The following NETO2 variants were observed in gnomAD, a reference collection of about 807,000 sequenced individuals.
The protein encoded by NETO2 is neuropilin and tolloid like 2, also known as neuropilin and tolloid-like protein 2.
Under a neutral mutation model 62.5 loss-of-function variants are expected in NETO2, and 28 were observed. The ratio of observed to expected loss-of-function variants is 0.45; its 90% confidence interval spans 0.33 to 0.61. The LOEUF (loss-of-function observed/expected upper bound fraction) is 0.61, where lower values mean the gene tolerates loss of function less well. Ranked by LOEUF, NETO2 falls within the 20% of genes least tolerant of loss-of-function variation. The pLI is 0.02. For missense variants in NETO2, 548 were observed against 643.2 expected (o/e 0.85, Z 1.60); for synonymous variants, 214 against 219.1 (o/e 0.98, Z 0.21).
chr16:47,121,378 T>C (rs1350762024), intron 6 of NETO2, among the ~76,000 whole-genome samples: 1 of 152,190 alleles, frequency 6.6e-6, no homozygotes, highest in African/African-American at 2.4e-5. Context: ...AGATTTATTT[T>C]TGCCAGGTGA....
chr16:47,129,117 T>G, intron 3 of NETO2, 107 bp downstream of exon 3: 1 of 1,011,318 alleles, frequency 9.9e-7, no homozygotes, highest in Non-Finnish European at 1.5e-6. Context: ...TTAATTCAAA[T>G]ACATGTTTAA....
chr16:47,091,381 C>G (rs1963310152), intron 7 of NETO2, among the ~76,000 whole-genome samples: 1 of 152,040 alleles, frequency 6.6e-6, no homozygotes, highest in Non-Finnish European at 1.5e-5. Context: ...AGAGAAAATA[C>G]CTTAACTAAA....
Position 47,081,110 on chromosome 16 carries a change from A to G in NETO2, c.*2111T>C, listed in dbSNP as rs1364036045. 1 of 152,146 alleles carries G rather than the reference A, an allele frequency of 6.6e-6. No individual in the cohort carries two copies. The highest frequency in any genetic ancestry group is 1.9e-4 in the East Asian group (1 of 5,208). 9.4% of individuals were successfully genotyped at this position (152,146 alleles called of 1,614,324 possible). A position where few individuals can be genotyped will look rare whatever the true frequency, so the allele number is the denominator to read the frequency against. On this transcript the variant is annotated 3_prime_UTR_variant, in exon 9 of 9. Transcript: ENST00000562435. ...AACAAAAATGTAGTTACAAGTGACTATAGTTTAGCATACTGTATTATTTGC... is the reference window on the plus strand; with the variant it reads ...AACAAAAATGTAGTTACAAGTGACTGTAGTTTAGCATACTGTATTATTTGC...
intron 7 of NETO2, among the ~76,000 whole-genome samples, chr16:47,099,941 A>G (rs1355408427): frequency 6.6e-6 from 1 of 152,236 alleles, no homozygotes; most frequent in African/African-American, 2.4e-5. Context: ...ACTTGAACTC[A>G]GCTCTGTACC....
chr16:47,128,265 A>G lies in NETO2; in HGVS notation c.481+60T>C, dbSNP rs1964194992. The G allele has an allele frequency of 4.5e-6, 7 of 1,542,590 alleles. No homozygotes were observed. In the East Asian group the frequency reaches 1.6e-4, roughly 35 times the overall value. ...AATTAATCTCTTTTCTAACCTTAAG[A>G]TTCTAAAATCAGAGTTAGAGTGAGA... On this transcript the variant is annotated intron_variant, in intron 4 of 8. Transcript: ENST00000562435.
intron 6 of NETO2, among the ~76,000 whole-genome samples, chr16:47,120,364 TC>T (rs1163787271): frequency 6.6e-6 from 1 of 152,212 alleles, no homozygotes; most frequent in Admixed American, 6.5e-5. Context: ...TTGTCCTCAT[TC>T]TTTTATTTTT....
At chr16:47,114,167 C>T (rs1369107612) in intron 6 of NETO2, among the ~76,000 whole-genome samples, 1 of 152,066 alleles carries the variant, frequency 6.6e-6, no homozygotes. Flanking sequence ...AGTGATTTTT[C>T]TAAATTACAG....
chr16:47,143,127 C>A (rs991739321), intron 1 of NETO2, among the ~76,000 whole-genome samples: 1 of 152,108 alleles, frequency 6.6e-6, no homozygotes, highest in Non-Finnish European at 1.5e-5. Context: ...AAAACCACTG[C>A]ACGACGTCAC....
intron 7 of NETO2, among the ~76,000 whole-genome samples, chr16:47,101,479 G>A (rs1283288333): frequency 1.3e-5 from 2 of 152,130 alleles, no homozygotes; most frequent in Non-Finnish European, 2.9e-5. Flanking sequence ...CAAACAGGAA[G>A]ACCGGAAGTT....
In NETO2 at chr16:47,129,256, G is replaced by A; in HGVS notation, c.200C>T (p.Pro67Leu). 1 of 1,614,006 alleles carries A rather than the reference G, an allele frequency of 6.2e-7. No individual in the cohort carries two copies. Among genetic ancestry groups the A allele is most frequent in the Non-Finnish European group, 8.5e-7 (1 of 1,179,930 alleles). The change falls in exon 3 of 9, where the codon CCA becomes CTA. Residue 67 changes from proline (P) to leucine (L), a missense_variant. Physicochemically the swap from Pro to Leu is moderately conservative, Grantham distance 98. Coordinates refer to ENST00000562435, the MANE Select transcript of NETO2 (RefSeq NM_018092.5). Reference protein sequence around the residue: ...FASPNYPDSYPPNKECIYILE... With the variant: ...FASPNYPDSYLPNKECIYILE... ...AATGTAGATACACTCCTTGTTTGGT[G>A]GATATGAGTCAGGATAATTTGGCGA...
rs543353546 is a variant in NETO2, at chr16:47,112,000, G to C, written c.655-2289C>G. On this transcript the variant is annotated intron_variant, in intron 6 of 8. Transcript: ENST00000562435. ...CCCAGAAAGCTACTATCATGAAAAGGCCACTGATAAAAGTGGACTAAAACA... is the reference window on the plus strand; with the variant it reads ...CCCAGAAAGCTACTATCATGAAAAGCCCACTGATAAAAGTGGACTAAAACA... Among the ~76,000 whole-genome samples, 29 of 152,296 alleles carry C rather than the reference G, an allele frequency of 1.9e-4. No individual in the cohort carries two copies. The East Asian group carries it at 5.2e-3, about 27-fold the overall frequency.
chr16:47,109,131 C>T (rs1201673630), intron 7 of NETO2, among the ~76,000 whole-genome samples: 1 of 151,968 alleles, frequency 6.6e-6, no homozygotes, highest in Non-Finnish European at 1.5e-5. Context: ...GAACAGGGAC[C>T]AAGATATAGT....
Position 47,079,968 on chromosome 16 carries a change from C to T in NETO2, c.*3253G>A, listed in dbSNP as rs1354648959. 1 of 152,186 alleles carries T rather than the reference C, an allele frequency of 6.6e-6. No individual in the cohort carries two copies. Among genetic ancestry groups the T allele is most frequent in the Non-Finnish European group, 1.5e-5 (1 of 68,034 alleles). The allele number at this position is 152,186 out of a possible 1,614,324, so 9.4% of individuals were successfully genotyped here. The stretch of plus-strand genomic sequence containing the variant: ...TTCTTCTCATCAGACATTGGCAGAA[C>T]CATACAAATGTTCAGAGGCAGACTT... On this transcript the variant is annotated 3_prime_UTR_variant, in exon 9 of 9. Coordinates refer to ENST00000562435, the MANE Select transcript of NETO2 (RefSeq NM_018092.5).
intron 7 of NETO2, among the ~76,000 whole-genome samples, chr16:47,098,190 A>G (rs1294721987): frequency 6.6e-6 from 1 of 152,198 alleles, no homozygotes; most frequent in Admixed American, 6.5e-5. Context: ...ATGAATTGAC[A>G]GAAGTAGGCT....
chr16:47,137,425 G>A (rs1021732579), intron 1 of NETO2, among the ~76,000 whole-genome samples: 1 of 152,218 alleles, frequency 6.6e-6, no homozygotes, highest in East Asian at 1.9e-4. Context: ...GCAACAGTGA[G>A]AGGTGGCCTT....
chr16:47,123,752 C>G (rs550780531), intron 4 of NETO2, among the ~76,000 whole-genome samples: 4 of 152,186 alleles, frequency 2.6e-5, no homozygotes, highest in African/African-American at 4.8e-5. Flanking sequence ...GGCAGGAGTA[C>G]AGTGGCACAA....
chr16:47,122,811 A>G (rs1964068256), intron 5 of NETO2, 27 bp from the exon 6 acceptor site: 1 of 1,614,052 alleles, frequency 6.2e-7, no homozygotes, highest in Non-Finnish European at 8.5e-7. Flanking sequence ...AAAGGTGTTC[A>G]AAGGAACATA....
rs33994080 is a variant in NETO2 at position 47,114,439 on chromosome 16, C to CTT, written c.655-4730_655-4729dup. 2.8e-3 allele frequency among the ~76,000 whole-genome samples: 105 copies of CTT among 37,936 alleles called. 23 individuals are homozygous for CTT. The highest frequency in any genetic ancestry group is 4.4e-3 in the Non-Finnish European group (87 of 19,750). 24.9% of individuals were successfully genotyped at this position (37,936 alleles called of 152,430 possible). A position where few individuals can be genotyped will look rare whatever the true frequency, so the allele number is the denominator to read the frequency against. On this transcript the variant is annotated intron_variant, in intron 6 of 8. Transcript: ENST00000562435. ...TTTCATTAGTCCAATTTATAAATTT[C>CTT]TTTTTTTTTTTTTTTTTTTTTTTTT...
intron 1 of NETO2, among the ~76,000 whole-genome samples, chr16:47,141,872 T>G (rs1329989196): frequency 1.3e-5 from 2 of 152,214 alleles, no homozygotes; most frequent in African/African-American, 2.4e-5. Context: ...GAGGGCAGTG[T>G]GCACCCACGG....
Sources: gnomAD v4.1 joint callset for allele counts (sites outside exome capture counted in the v4.1 genomes callset) on GRCh38, gnomAD v4.1.1 for gene constraint, MANE v1.5 for transcripts, NCBI Gene and HGNC (gene_info 2026-07-23, HGNC 2026-07-21) for gene names.